The following NCAM2 variants were observed in gnomAD, a reference collection of about 807,000 sequenced individuals.
NCAM2 encodes neural cell adhesion molecule 2, also known as N-CAM-2.
In NCAM2, 30 loss-of-function variants were observed where a neutral mutation model predicts 98.1. That is an observed-to-expected ratio of 0.31 (90% confidence interval 0.23 to 0.41). The LOEUF is 0.41. Ranked by LOEUF, NCAM2 falls within the 10% of genes least tolerant of loss-of-function variation. NCAM2 has a pLI of 1.00. For synonymous variants in NCAM2, 368 were observed against 342.4 expected (o/e 1.07, Z -0.83); for missense variants, 867 against 1,005.8 (o/e 0.86, Z 1.87).
intron 5 of NCAM2, among the ~76,000 whole-genome samples, chr21:21,317,720 C>T (rs1049584266): frequency 4.0e-5 from 6 of 151,664 alleles, no homozygotes; most frequent in Admixed American, 6.6e-5. Context: ...TTTTTTGTAG[C>T]GACAGGCTCT....
intron 1 of NCAM2, among the ~76,000 whole-genome samples, chr21:21,059,814 A>G (rs2065285472): frequency 6.6e-6 from 1 of 152,116 alleles, no homozygotes; most frequent in South Asian, 2.1e-4. Context: ...TGTAGCAGAT[A>G]GAGACCAAGG....
At chr21:21,497,719 AAAG>A (rs1987343096) in intron 15 of NCAM2, among the ~76,000 whole-genome samples, 1 of 152,170 alleles carries the variant, frequency 6.6e-6, no homozygotes, top group Non-Finnish European at 1.5e-5. Flanking sequence ...TCTACCCCCT[AAAG>A]AATAAGCATT....
chr21:21,391,936 T>A, intron 9 of NCAM2, among the ~76,000 whole-genome samples: 1 of 152,142 alleles, frequency 6.6e-6, no homozygotes, highest in Non-Finnish European at 1.5e-5. Context: ...AAAAAAAAAT[T>A]CTTATTTTTA....
intron 1 of NCAM2, among the ~76,000 whole-genome samples, chr21:21,042,846 T>C (rs573201815): frequency 3.5e-4 from 54 of 152,340 alleles, no homozygotes; most frequent in African/African-American, 1.3e-3. Context: ...AATAACAACA[T>C]AATTTATTTA....
rs183989615 is a variant in NCAM2, at chr21:21,521,186, A to T, written c.2282+12131A>T. On this transcript the variant is annotated intron_variant, in intron 16 of 17. Coordinates refer to ENST00000400546, the MANE Select transcript of NCAM2 (RefSeq NM_004540.5). ...TCCCCAACTCCAGTCCACTCTATTC[A>T]TTCTGTCCCACCAAGGCTGTGGGAG... 1.2e-4 allele frequency among the ~76,000 whole-genome samples: 18 copies of T among 152,216 alleles called. No individual in the cohort carries two copies. The East Asian group carries it at 3.5e-3, about 29-fold the overall frequency.
intron 1 of NCAM2, among the ~76,000 whole-genome samples, chr21:21,079,883 T>C (rs9980796): frequency 0.039 from 5,885 of 152,304 alleles, 364 homozygotes; most frequent in African/African-American, 0.13. Context: ...ACATGAAACA[T>C]CTGTTTTCTA....
At chr21:21,352,859 T>C (rs2075380200) in intron 8 of NCAM2, among the ~76,000 whole-genome samples, 1 of 151,626 alleles carries the variant, frequency 6.6e-6, no homozygotes, top group Non-Finnish European at 1.5e-5. Context: ...GTTTTTGTTT[T>C]TGTTTTTGTT....
At chr21:21,182,798 G>A (rs182440673) in intron 1 of NCAM2, among the ~76,000 whole-genome samples, 124 of 152,218 alleles carry the variant, frequency 8.1e-4, no homozygotes, top group African/African-American at 2.9e-3. Flanking sequence ...TCAGCACTTG[G>A]CAACTTGACA....
chr21:21,523,717 CTTCA>C (rs937981959), intron 16 of NCAM2, among the ~76,000 whole-genome samples: 16 of 152,064 alleles, frequency 1.1e-4, no homozygotes, highest in African/African-American at 3.9e-4. Flanking sequence ...TGAAAATTGA[CTTCA>C]TTCAGTTCAT....
chr21:21,497,641 C>A (rs570930083), intron 15 of NCAM2, among the ~76,000 whole-genome samples: 4 of 152,114 alleles, frequency 2.6e-5, no homozygotes, highest in South Asian at 4.1e-4. Context: ...AACATTTTGA[C>A]AAAACATTTA....
At position 21,065,739 on chromosome 21, in the gene NCAM2, C is replaced by T. The variant is rs185390701; in HGVS notation, c.55+67121C>T. 3.7e-3 allele frequency among the ~76,000 whole-genome samples: 557 copies of T among 152,142 alleles called. 1 individual carries two copies. The highest frequency in any genetic ancestry group is 0.013 in the African/African-American group (542 of 41,532). The stretch of plus-strand genomic sequence containing the variant: ...TATCTTCAAGGTCATAGAAGTGCTT[C>T]GTTATTTTGATGGGAGTGTGTACTA... On this transcript the variant is annotated intron_variant, in intron 1 of 17. Coordinates refer to ENST00000400546, the MANE Select transcript of NCAM2 (RefSeq NM_004540.5).
chr21:21,407,011 A>G (rs763183721), intron 9 of NCAM2, among the ~76,000 whole-genome samples: 7 of 152,136 alleles, frequency 4.6e-5, no homozygotes, highest in Non-Finnish European at 1.0e-4. Context: ...TCTAACCACC[A>G]GTGTTTATTT....
At chr21:21,414,949 C>CTTT (rs34233053) in intron 10 of NCAM2, among the ~76,000 whole-genome samples, 1 of 147,066 alleles carries the variant, frequency 6.8e-6, no homozygotes. Context: ...TGAAGGGAAT[C>CTTT]TTTTTTTTTT....
intron 9 of NCAM2, among the ~76,000 whole-genome samples, chr21:21,394,111 C>G (rs232440): frequency 1.3e-5 from 2 of 152,114 alleles, no homozygotes; most frequent in African/African-American, 4.8e-5. Flanking sequence ...GTATGCATAA[C>G]TTGGCTGTTT....
intron 5 of NCAM2, among the ~76,000 whole-genome samples, chr21:21,311,735 T>C (rs1007591098): frequency 2.0e-5 from 3 of 152,164 alleles, no homozygotes; most frequent in Admixed American, 6.5e-5. Context: ...TAAATTTTGC[T>C]TGATTGGTAC....
chr21:21,148,722 C>T (rs1377485740), intron 1 of NCAM2, among the ~76,000 whole-genome samples: 2 of 151,922 alleles, frequency 1.3e-5, no homozygotes, highest in African/African-American at 4.8e-5. Flanking sequence ...TGAGAATTTC[C>T]CTTAGATTTC....
At chr21:21,107,425 A>C (rs1407228122) in intron 1 of NCAM2, among the ~76,000 whole-genome samples, 1 of 152,074 alleles carries the variant, frequency 6.6e-6, no homozygotes, top group African/African-American at 2.4e-5. Context: ...ACAGCTTCCA[A>C]AATGTTTCCT....
intron 1 of NCAM2, among the ~76,000 whole-genome samples, chr21:21,213,943 AC>A (rs1263130788): frequency 6.6e-6 from 1 of 152,094 alleles, no homozygotes. Flanking sequence ...ATATTTAACA[AC>A]CGTATTTTGA....
rs2072023942 is a variant in NCAM2, at chr21:21,263,951, A to G, written c.56-16627A>G. ...CATTAGCCTAGGCAAAGAATTTATGATGAAGATCATAAAGCAAATGCAACA... is the reference window on the plus strand; with the variant it reads ...CATTAGCCTAGGCAAAGAATTTATGGTGAAGATCATAAAGCAAATGCAACA... On this transcript the variant is annotated intron_variant, in intron 1 of 17. Coordinates refer to ENST00000400546, the MANE Select transcript of NCAM2 (RefSeq NM_004540.5). 2.0e-5 allele frequency among the ~76,000 whole-genome samples: 3 copies of G among 152,212 alleles called. No homozygotes were observed. In the South Asian group the frequency reaches 6.2e-4, roughly 32 times the overall value.
Sources: gnomAD v4.1 joint callset for allele counts (sites outside exome capture counted in the v4.1 genomes callset) on GRCh38, gnomAD v4.1.1 for gene constraint, MANE v1.5 for transcripts, NCBI Gene and HGNC (gene_info 2026-07-23, HGNC 2026-07-21) for gene names.